Variants in ARMC8 observed in about 807,000 individuals in gnomAD.
ARMC8 encodes the protein armadillo repeat containing 8.
In ARMC8, 20 loss-of-function variants were observed where a neutral mutation model predicts 99.3. The ratio of observed to expected loss-of-function variants is 0.20; its 90% CI spans 0.14 to 0.29. The LOEUF is 0.29. Ranked by LOEUF, ARMC8 falls within the 10% of genes least tolerant of loss-of-function variation. The pLI is 1.00. For synonymous variants in ARMC8, 263 were observed against 278.3 expected, an observed-to-expected ratio of 0.95 and a Z score of 0.55; for missense variants, 569 against 809.5, an observed-to-expected ratio of 0.70 and a Z score of 3.60.
intron 5 of ARMC8, 132 bp downstream of exon 5, chr3:138,223,865 A>G (rs2045537325): frequency 2.8e-6 from 2 of 718,334 alleles, no homozygotes; most frequent in African/African-American, 1.7e-5. Flanking sequence ...GGCTCACACC[A>G]GTAATCCCAG....
intron 2 of ARMC8, among the ~76,000 whole-genome samples, chr3:138,213,608 C>T (rs1201309859): frequency 6.6e-6 from 1 of 152,144 alleles, no homozygotes; most frequent in East Asian, 1.9e-4. Context: ...GTCAGTTAAA[C>T]TACCCTGCAT....
At chr3:138,257,925 A>C (rs1379059570) in intron 12 of ARMC8, among the ~76,000 whole-genome samples, 1 of 152,018 alleles carries the variant, frequency 6.6e-6, no homozygotes, top group Non-Finnish European at 1.5e-5. Flanking sequence ...TGGATTTGAT[A>C]CCTTATCCAC....
At chr3:138,207,939 T>C (rs1346607301) in intron 1 of ARMC8, among the ~76,000 whole-genome samples, 1 of 152,168 alleles carries the variant, frequency 6.6e-6, no homozygotes, top group Admixed American at 6.5e-5. Flanking sequence ...TTCCACTGTT[T>C]GTTCTTTAAA....
At chr3:138,263,455 T>A (rs1414069918) in intron 12 of ARMC8, 7 of 375,498 alleles carry the variant, frequency 1.9e-5, no homozygotes, top group Non-Finnish European at 3.0e-5. Context: ...ACATAACACC[T>A]CTGCAGTACT....
In ARMC8 at chr3:138,296,397, T is replaced by C. The variant is rs2051487479; in HGVS notation, c.*505T>C. The C allele has an allele frequency of 2.0e-5, 3 of 152,304 alleles. No individual in the cohort carries two copies. The highest frequency in any genetic ancestry group is 2.0e-4 in the Admixed American group (3 of 15,294). 9.4% of individuals were successfully genotyped at this position (152,304 alleles called of 1,614,324 possible). ...GTATAAAAAACTTTACTGAATTATA[T>C]ACAGTTTGAATGAAATGTTATTTTA... On this transcript the variant is annotated 3_prime_UTR_variant, in exon 22 of 22. Coordinates refer to ENST00000469044, the MANE Select transcript of ARMC8 (RefSeq NM_001363941.2).
intron 5 of ARMC8, among the ~76,000 whole-genome samples, chr3:138,227,120 T>G (rs1018913557): frequency 6.6e-6 from 1 of 152,194 alleles, no homozygotes; most frequent in Non-Finnish European, 1.5e-5. Flanking sequence ...CAGCAGGATT[T>G]CTAGTTTGAA....
chr3:138,222,945 A>G (rs2045482004), intron 3 of ARMC8, among the ~76,000 whole-genome samples: 1 of 152,180 alleles, frequency 6.6e-6, no homozygotes, highest in Non-Finnish European at 1.5e-5. Flanking sequence ...GGAGCTGCAC[A>G]AGGGCTCTGA....
At chr3:138,202,662 C>G (rs966997787) in intron 1 of ARMC8, among the ~76,000 whole-genome samples, 3 of 152,148 alleles carry the variant, frequency 2.0e-5, no homozygotes, top group African/African-American at 7.2e-5. Context: ...AGTTGCATAG[C>G]TAGTAAGTGG....
chr3:138,226,870 A>T (rs990663190), intron 5 of ARMC8, among the ~76,000 whole-genome samples: 1 of 152,210 alleles, frequency 6.6e-6, no homozygotes, highest in Non-Finnish European at 1.5e-5. Context: ...TTAAATTTAG[A>T]GTATCTAAAT....
intron 6 of ARMC8, 101 bp from the exon 7 acceptor site, chr3:138,234,933 G>C (rs1473721435): frequency 9.9e-6 from 9 of 904,690 alleles, no homozygotes; most frequent in Non-Finnish European, 1.6e-5. Flanking sequence ...ACAGGATTCT[G>C]TACTGTAGTG....
intron 12 of ARMC8, chr3:138,246,278 C>T (rs2046877285): frequency 1.0e-6 from 1 of 985,574 alleles, no homozygotes; most frequent in South Asian, 4.7e-5. Context: ...TTCCATGTAC[C>T]TCACTTTATT....
At chr3:138,234,985 A>G (rs760001491) in intron 6 of ARMC8, 49 bp from the exon 7 acceptor site, 7 of 1,440,292 alleles carry the variant, frequency 4.9e-6, no homozygotes, top group Admixed American at 3.4e-5. Flanking sequence ...TTTTATTGGA[A>G]TGAGTCATTA....
At chr3:138,253,729 T>C (rs2047250391) in intron 12 of ARMC8, among the ~76,000 whole-genome samples, 2 of 152,220 alleles carry the variant, frequency 1.3e-5, no homozygotes, top group Non-Finnish European at 2.9e-5. Context: ...CATTGATGTA[T>C]GCTCAGAATG....
intron 19 of ARMC8, among the ~76,000 whole-genome samples, chr3:138,288,418 C>G (rs941402303): frequency 2.6e-5 from 4 of 152,212 alleles, no homozygotes; most frequent in African/African-American, 9.7e-5. Flanking sequence ...TGGATTGAAT[C>G]ATAAATTGCA....
At chr3:138,187,792 C>A in intron 1 of ARMC8, 193 bp downstream of exon 1, 1 of 596,748 alleles carries the variant, frequency 1.7e-6, no homozygotes, top group Non-Finnish European at 2.9e-6. Context: ...GAGCCAAAGA[C>A]GTTTCCAACT....
intron 11 of ARMC8, among the ~76,000 whole-genome samples, chr3:138,243,507 G>T (rs937987477): frequency 3.3e-5 from 5 of 152,164 alleles, no homozygotes; most frequent in Admixed American, 6.5e-5. Flanking sequence ...AAGACTTTAA[G>T]AGTAGATACT....
intron 1 of ARMC8, among the ~76,000 whole-genome samples, chr3:138,198,508 A>G (rs2043865796): frequency 6.7e-6 from 1 of 149,860 alleles, no homozygotes; most frequent in East Asian, 1.9e-4. Context: ...TATTATTATT[A>G]TTATTATTAT....
chr3:138,287,729 T>C (rs1371192845), intron 19 of ARMC8: 2 of 456,410 alleles, frequency 4.4e-6, no homozygotes, highest in Non-Finnish European at 8.8e-6. Flanking sequence ...CATCCATTTC[T>C]TTGTCTCTGC....
chr3:138,270,157 A>G, intron 16 of ARMC8, 25 bp downstream of exon 16: 1 of 1,474,936 alleles, frequency 6.8e-7, no homozygotes, highest in Non-Finnish European at 9.5e-7. Flanking sequence ...TATATATATC[A>G]TAACTTACAA....
Sources: allele counts gnomAD v4.1 joint callset (sites outside exome capture counted in the v4.1 genomes callset), GRCh38; gene constraint gnomAD v4.1.1; transcripts MANE v1.5; gene names NCBI Gene and HGNC (gene_info 2026-07-23, HGNC 2026-07-21).